STEAP1B: variants seen among roughly 807,000 people sequenced by gnomAD.
The protein encoded by STEAP1B is STEAP family member 1B, also known as STEAP family protein MGC87042.
STEAP1B carries 13 observed loss-of-function variants against 27.9 expected under a neutral mutation model. That is an observed-to-expected ratio of 0.47 (90% CI 0.30 to 0.74). STEAP1B has a LOEUF of 0.74. Among genes scored for constraint, STEAP1B ranks in the 30% least tolerant of loss-of-function variants. The pLI is 0.06. For missense variants in STEAP1B, 250 were observed against 298.7 expected (o/e 0.84, Z 1.20); for synonymous variants, 86 against 107.1 (o/e 0.80, Z 1.22).
chr7:22,463,102 C>G (rs951473985), intron 4 of STEAP1B, among the ~76,000 whole-genome samples: 12 of 152,248 alleles, frequency 7.9e-5, no homozygotes, highest in African/African-American at 2.9e-4. Flanking sequence ...GCAACTTCAG[C>G]AAAGTCTCAG....
At chr7:22,454,861 A>T (rs1156566181) in intron 4 of STEAP1B, among the ~76,000 whole-genome samples, 2 of 57,852 alleles carry the variant, frequency 3.5e-5, no homozygotes, top group African/African-American at 1.5e-4. Flanking sequence ...ATATATATAT[A>T]TATATTTTTT....
At chr7:22,499,186 T>C (rs1786492212) in intron 1 of STEAP1B, among the ~76,000 whole-genome samples, 1 of 152,362 alleles carries the variant, frequency 6.6e-6, no homozygotes, top group East Asian at 1.9e-4. Context: ...ACTGCTGTTT[T>C]GCTGTACCAA....
chr7:22,497,035 T>C (rs1786454666), intron 1 of STEAP1B, among the ~76,000 whole-genome samples: 1 of 152,326 alleles, frequency 6.6e-6, no homozygotes, highest in East Asian at 1.9e-4. Flanking sequence ...TTTCCTCCAT[T>C]TGGAGAAATG....
chr7:22,496,185 A>T (rs1786436459), intron 1 of STEAP1B, among the ~76,000 whole-genome samples: 1 of 30,902 alleles, frequency 3.2e-5, no homozygotes, highest in Admixed American at 3.5e-4. Flanking sequence ...AAAAGTCTAA[A>T]AAGAAAAAAA....
At chr7:22,465,246 T>A (rs906703641) in intron 4 of STEAP1B, among the ~76,000 whole-genome samples, 1 of 151,926 alleles carries the variant, frequency 6.6e-6, no homozygotes, top group Middle Eastern at 3.2e-3. Flanking sequence ...TGGCCCCCAA[T>A]GTAAAACTTA....
At chr7:22,465,692 C>T (rs1308225077) in intron 4 of STEAP1B, among the ~76,000 whole-genome samples, 1 of 152,132 alleles carries the variant, frequency 6.6e-6, no homozygotes, top group Non-Finnish European at 1.5e-5. Flanking sequence ...AAGAGGAGAT[C>T]CAGAGCCAGC....
chr7:22,432,454 T>C (rs942346854), intron 4 of STEAP1B, among the ~76,000 whole-genome samples: 3 of 152,120 alleles, frequency 2.0e-5, no homozygotes, highest in Non-Finnish European at 1.5e-5. Context: ...CATACACTTG[T>C]AGTCCCAGCT....
chr7:22,478,991 T>A (rs1231447253), intron 4 of STEAP1B, among the ~76,000 whole-genome samples: 1 of 152,012 alleles, frequency 6.6e-6, no homozygotes, highest in Non-Finnish European at 1.5e-5. Context: ...AGCTGCACCC[T>A]CAGAGAGGCA....
chr7:22,490,029 T>C (rs867036349), intron 4 of STEAP1B, among the ~76,000 whole-genome samples: 1 of 152,220 alleles, frequency 6.6e-6, no homozygotes, highest in Non-Finnish European at 1.5e-5. Flanking sequence ...TGATCTGACT[T>C]TGAGCTTTAT....
chr7:22,493,355 C>CT lies in STEAP1B; in HGVS notation c.565dup (p.Arg189LysfsTer16), dbSNP rs1333834535. 6.2e-7 allele frequency: 1 copy of CT among 1,613,888 alleles called. No homozygotes were observed. Among genetic ancestry groups the CT allele is most frequent in the East Asian group, 2.2e-5 (1 of 44,876 alleles). Reference sequence around the variant, plus strand: ...ATATGCCCAGTTTAGCAACTTGTATCTGTAGGATCGCCTCATTGCGTAAGA... The same window carrying CT: ...ATATGCCCAGTTTAGCAACTTGTATCTTGTAGGATCGCCTCATTGCGTAAGA... On this transcript the variant is annotated frameshift_variant, in exon 3 of 5. Coordinates refer to ENST00000678116, the MANE Select transcript of STEAP1B (RefSeq NM_001382447.1). LOFTEE classifies it high-confidence loss of function.
At chr7:22,442,940 C>A (rs79752786) in intron 4 of STEAP1B, among the ~76,000 whole-genome samples, 21,134 of 152,068 alleles carry the variant, frequency 0.14, 1,630 homozygotes, top group Non-Finnish European at 0.18. Flanking sequence ...ACACCAGGCT[C>A]ACCCCTACCC....
chr7:22,426,381 A>T (rs537833341), intron 4 of STEAP1B, among the ~76,000 whole-genome samples: 3 of 152,300 alleles, frequency 2.0e-5, no homozygotes, highest in South Asian at 2.1e-4. Flanking sequence ...GTATTTTTTT[A>T]AAATGTTAAA....
intron 4 of STEAP1B, among the ~76,000 whole-genome samples, chr7:22,484,598 C>G (rs1013532784): frequency 6.6e-6 from 1 of 152,172 alleles, no homozygotes; most frequent in Non-Finnish European, 1.5e-5. Context: ...CCTGCTAATA[C>G]CATATTCATT....
Position 22,493,430 on chromosome 7 carries a change from A to C in STEAP1B, c.491T>G (p.Phe164Cys). 1.9e-6 allele frequency: 3 copies of C among 1,613,928 alleles called. No homozygotes were observed. The highest frequency in any genetic ancestry group is 2.7e-5 in the African/African-American group (2 of 75,002). The change falls in exon 3 of 5, where the codon TTT becomes TGT. Residue 164 changes from phenylalanine to cysteine, a missense_variant. Phe to Cys is a radical substitution (Grantham distance 205). Transcript: ENST00000678116. ...AGCAAAAAACAAACTGAGAAGCCCA[A>C]ACTGCTTTCTTGTTAACATCCACTT... The part of the protein sequence containing the change: ...LDKWMLTRKQ[F>C]GLLSLFFAVL...
chr7:22,463,002 ATG>A (rs201725698), intron 4 of STEAP1B, among the ~76,000 whole-genome samples: 20,127 of 152,068 alleles, frequency 0.13, 1,459 homozygotes, highest in Non-Finnish European at 0.17. Context: ...GCATTTTTTC[ATG>A]TGTTTTTTGG....
At chr7:22,454,919 C>G (rs3114721) in intron 4 of STEAP1B, among the ~76,000 whole-genome samples, 143,111 of 147,296 alleles carry the variant, frequency 0.97, 69,562 homozygotes, top group Non-Finnish European at 0.99. Flanking sequence ...CTGGAGTGCA[C>G]TGGTGCAATC....
Position 22,419,703 on chromosome 7 carries a change from T to A in STEAP1B, c.*101A>T. ...TCACCTGCAGCATGGCTGTTCATTG[T>A]GGCAGAGGGAAAGGGCACTGGGTGG... On this transcript the variant is annotated 3_prime_UTR_variant, in exon 5 of 5. Coordinates refer to ENST00000678116, the MANE Select transcript of STEAP1B (RefSeq NM_001382447.1). 1 of 1,347,512 alleles carries A rather than the reference T, an allele frequency of 7.4e-7. No homozygotes were observed. Among genetic ancestry groups the A allele is most frequent in the Non-Finnish European group, 1.0e-6 (1 of 999,090 alleles). The allele number at this position is 1,347,512 out of a possible 1,614,324, so 83.5% of individuals were successfully genotyped here.
intron 4 of STEAP1B, among the ~76,000 whole-genome samples, chr7:22,441,728 T>C (rs1785336447): frequency 6.6e-6 from 1 of 152,244 alleles, no homozygotes; most frequent in African/African-American, 2.4e-5. Flanking sequence ...TTAGTGGTTA[T>C]GCTTCTACAA....
chr7:22,496,270 C>T (rs1487328872), intron 1 of STEAP1B, among the ~76,000 whole-genome samples: 1 of 151,732 alleles, frequency 6.6e-6, no homozygotes, highest in Non-Finnish European at 1.5e-5. Context: ...TACAATGTGA[C>T]GATGTTTTAA....
Sources: allele counts gnomAD v4.1 joint callset (sites outside exome capture counted in the v4.1 genomes callset), GRCh38; gene constraint gnomAD v4.1.1; transcripts MANE v1.5; gene names NCBI Gene and HGNC (gene_info 2026-07-23, HGNC 2026-07-21).